Variants in SUPT3H observed in about 807,000 individuals in gnomAD.
SUPT3H encodes the protein transcription initiation protein SPT3 homolog.
A neutral mutation model predicts 44.3 loss-of-function variants in SUPT3H; 44 were observed. The ratio of observed to expected loss-of-function variants is 0.99; its 90% confidence interval spans 0.78 to 1.28. The LOEUF (loss-of-function observed/expected upper bound fraction) is 1.28, where lower values mean the gene tolerates loss of function less well. Among genes scored for constraint, SUPT3H ranks in the 50% most tolerant of loss-of-function variants. SUPT3H has a pLI of 0.00. For synonymous variants in SUPT3H, 124 were observed against 125.6 expected (o/e 0.99, Z 0.09); for missense variants, 380 against 387.1 (o/e 0.98, Z 0.15).
chr6:45,132,585 G>A (rs181555295), intron 2 of SUPT3H, among the ~76,000 whole-genome samples: 1 of 152,140 alleles, frequency 6.6e-6, no homozygotes, highest in Non-Finnish European at 1.5e-5. Context: ...TGCAATTTTA[G>A]TGATATTTCT....
intron 2 of SUPT3H, among the ~76,000 whole-genome samples, chr6:45,251,837 C>A (rs1772423846): frequency 6.6e-6 from 1 of 152,008 alleles, no homozygotes; most frequent in African/African-American, 2.4e-5. Flanking sequence ...ATTTCTTCCA[C>A]TAGGCTAGAT....
intron 2 of SUPT3H, among the ~76,000 whole-genome samples, chr6:45,167,590 C>T (rs952580779): frequency 1.3e-5 from 2 of 150,918 alleles, no homozygotes; most frequent in African/African-American, 4.9e-5. Flanking sequence ...ATCTTTTGAT[C>T]AAACTCAACA....
intron 11 of SUPT3H, among the ~76,000 whole-genome samples, chr6:44,813,454 T>C (rs1766677591): frequency 6.6e-6 from 1 of 151,894 alleles, no homozygotes; most frequent in Non-Finnish European, 1.5e-5. Flanking sequence ...CCTCCCAAAG[T>C]GGTGAGATTA....
At chr6:44,874,949 G>A (rs565915845) in intron 10 of SUPT3H, among the ~76,000 whole-genome samples, 2,427 of 127,624 alleles carry the variant, frequency 0.019, 27 homozygotes, top group Non-Finnish European at 0.03. Flanking sequence ...TACAAGGGAT[G>A]TGAAGGACCT....
chr6:45,021,138 G>T (rs562068301), intron 3 of SUPT3H, among the ~76,000 whole-genome samples: 1 of 151,800 alleles, frequency 6.6e-6, no homozygotes, highest in Admixed American at 6.6e-5. Context: ...GTCTTCAGTG[G>T]GTAAAGGATT....
intron 10 of SUPT3H, among the ~76,000 whole-genome samples, chr6:44,846,097 G>C (rs1581954136): frequency 6.6e-6 from 1 of 152,182 alleles, no homozygotes; most frequent in Admixed American, 6.5e-5. Context: ...CTCCCCTAGA[G>C]GTATGGGCAG....
chr6:45,331,665 A>G (rs1319830765), intron 2 of SUPT3H, among the ~76,000 whole-genome samples: 1 of 151,986 alleles, frequency 6.6e-6, no homozygotes, highest in Non-Finnish European at 1.5e-5. Context: ...TTTATTTTTA[A>G]AAAATGTTTT....
intron 2 of SUPT3H, among the ~76,000 whole-genome samples, chr6:45,121,517 G>GT (rs1194219811): frequency 1.4e-4 from 18 of 128,970 alleles, no homozygotes; most frequent in African/African-American, 3.3e-4. Flanking sequence ...ATGAAATTAT[G>GT]TGGGGGGGGG....
intron 2 of SUPT3H, among the ~76,000 whole-genome samples, chr6:45,247,845 G>A (rs1353739199): frequency 6.6e-6 from 1 of 152,170 alleles, no homozygotes; most frequent in Non-Finnish European, 1.5e-5. Flanking sequence ...CAGTCATCAA[G>A]ACAGTGTGGT....
intron 3 of SUPT3H, among the ~76,000 whole-genome samples, chr6:45,086,856 T>C (rs1796533250): frequency 6.6e-6 from 1 of 152,058 alleles, no homozygotes; most frequent in East Asian, 1.9e-4. Flanking sequence ...ATATTTAAGA[T>C]ATCAGTAATA....
chr6:45,255,797 A>C (rs1773281279), intron 2 of SUPT3H, among the ~76,000 whole-genome samples: 1 of 152,164 alleles, frequency 6.6e-6, no homozygotes. Flanking sequence ...AAATTCACTC[A>C]TTCAATGGCT....
chr6:44,852,560 C>G (rs936534314), intron 10 of SUPT3H, among the ~76,000 whole-genome samples: 11 of 152,118 alleles, frequency 7.2e-5, no homozygotes, highest in Non-Finnish European at 1.5e-4. Flanking sequence ...ACTTTCCTTA[C>G]CCTCTTCCCA....
chr6:44,941,957 G>C (rs1348824725), intron 9 of SUPT3H, among the ~76,000 whole-genome samples: 2 of 152,092 alleles, frequency 1.3e-5, no homozygotes, highest in Non-Finnish European at 2.9e-5. Flanking sequence ...TATTAATTCT[G>C]ATGCCACTAA....
chr6:45,295,523 G>GAAAAA (rs1781008795), intron 2 of SUPT3H, among the ~76,000 whole-genome samples: 1 of 24,012 alleles, frequency 4.2e-5, no homozygotes, highest in African/African-American at 1.5e-4. Context: ...CTTTTGCACA[G>GAAAAA]CAAAAAAAAA....
At chr6:45,065,485 A>C (rs373856104) in intron 3 of SUPT3H, among the ~76,000 whole-genome samples, 1 of 151,318 alleles carries the variant, frequency 6.6e-6, no homozygotes, top group Non-Finnish European at 1.5e-5. Context: ...GGAAATAGAG[A>C]CACAAAAAAC....
chr6:45,170,261 A>AT (rs1235941789), intron 2 of SUPT3H, among the ~76,000 whole-genome samples: 20 of 152,242 alleles, frequency 1.3e-4, no homozygotes, highest in African/African-American at 4.8e-4. Context: ...TTCTATAGGC[A>AT]TTGTTCTACA....
intron 2 of SUPT3H, among the ~76,000 whole-genome samples, chr6:45,117,437 G>A (rs1041180018): frequency 6.6e-6 from 1 of 152,076 alleles, no homozygotes; most frequent in African/African-American, 2.4e-5. Context: ...GTGAGCTCAT[G>A]CAAGTTCCTA....
At chr6:45,036,277 G>C (rs1411338412) in intron 3 of SUPT3H, among the ~76,000 whole-genome samples, 1 of 152,060 alleles carries the variant, frequency 6.6e-6, no homozygotes, top group Non-Finnish European at 1.5e-5. Context: ...CAGTACTCAC[G>C]AACACCCCAT....
At chr6:45,152,602 G>A (rs928146167) in intron 2 of SUPT3H, among the ~76,000 whole-genome samples, 2 of 152,032 alleles carry the variant, frequency 1.3e-5, no homozygotes, top group African/African-American at 2.4e-5. Context: ...AGTGATTCTC[G>A]TGCCTCAGCC....
Sources: gnomAD v4.1 joint callset for allele counts (sites outside exome capture counted in the v4.1 genomes callset) on GRCh38, gnomAD v4.1.1 for gene constraint, MANE v1.5 for transcripts, NCBI Gene and HGNC (gene_info 2026-07-23, HGNC 2026-07-21) for gene names.